Variants in FBXL17 observed in about 807,000 individuals in gnomAD.
FBXL17 encodes F-box/LRR-repeat protein 17.
A neutral mutation model predicts 66.2 loss-of-function variants in FBXL17; 22 were observed. That is an observed-to-expected ratio of 0.33 (90% confidence interval 0.24 to 0.47). The LOEUF is 0.47. Ranked by LOEUF, FBXL17 falls within the 20% of genes least tolerant of loss-of-function variation. The pLI is 1.00. For synonymous variants in FBXL17, 474 were observed against 400.5 expected (o/e 1.18, Z -2.19); for missense variants, 878 against 948.2 (o/e 0.93, Z 0.97).
chr5:107,915,901 G>C (rs1007222974), intron 7 of FBXL17, among the ~76,000 whole-genome samples: 3 of 152,226 alleles, frequency 2.0e-5, no homozygotes, highest in Admixed American at 2.0e-4. Flanking sequence ...AGCAGACAAA[G>C]GATGCATGTT....
intron 6 of FBXL17, among the ~76,000 whole-genome samples, chr5:108,150,504 C>T (rs2149995450): frequency 6.6e-6 from 1 of 152,164 alleles, no homozygotes; most frequent in East Asian, 1.9e-4. Context: ...ATGCCTGGCC[C>T]CCAATCATGT....
intron 4 of FBXL17, among the ~76,000 whole-genome samples, chr5:108,227,127 T>G (rs1755134889): frequency 6.6e-6 from 1 of 152,096 alleles, no homozygotes; most frequent in Non-Finnish European, 1.5e-5. Flanking sequence ...ATACCTTGAG[T>G]ATTACAATCC....
At chr5:108,128,169 A>T (rs1469436865) in intron 6 of FBXL17, among the ~76,000 whole-genome samples, 4 of 151,866 alleles carry the variant, frequency 2.6e-5, no homozygotes, top group Non-Finnish European at 4.4e-5. Context: ...TAGCTTGAAC[A>T]TGCGAGGCAG....
chr5:108,164,318 G>C (rs1400990683), intron 6 of FBXL17, among the ~76,000 whole-genome samples: 1 of 152,098 alleles, frequency 6.6e-6, no homozygotes, highest in Non-Finnish European at 1.5e-5. Context: ...AAAACAAGTA[G>C]AACAAACTTC....
intron 5 of FBXL17, among the ~76,000 whole-genome samples, chr5:108,217,439 C>CT (rs529294550): frequency 6.6e-6 from 1 of 151,284 alleles, no homozygotes; most frequent in Non-Finnish European, 1.5e-5. Context: ...ACACCGGCAA[C>CT]TTTTTTTTTG....
chr5:108,168,166 C>T (rs1224314426), intron 6 of FBXL17, among the ~76,000 whole-genome samples: 1 of 139,126 alleles, frequency 7.2e-6, no homozygotes, highest in Non-Finnish European at 1.7e-5. Flanking sequence ...TCCAATTGCC[C>T]TTAAAATAGA....
chr5:108,366,638 A>G (rs1395081584), intron 2 of FBXL17, among the ~76,000 whole-genome samples: 1 of 152,082 alleles, frequency 6.6e-6, no homozygotes, highest in African/African-American at 2.4e-5. Context: ...CAAACATTCA[A>G]GAGTAATGAT....
intron 6 of FBXL17, among the ~76,000 whole-genome samples, chr5:108,049,180 T>A (rs934222299): frequency 3.3e-5 from 5 of 151,952 alleles, no homozygotes; most frequent in Non-Finnish European, 7.4e-5. Context: ...AGTCTCACTC[T>A]TGCCCAGGCT....
intron 6 of FBXL17, among the ~76,000 whole-genome samples, chr5:108,114,772 C>G (rs1178483419): frequency 1.3e-5 from 2 of 152,112 alleles, no homozygotes; most frequent in African/African-American, 4.8e-5. Flanking sequence ...ATCTATTCAC[C>G]ACATTTAAAT....
At chr5:107,880,898 T>C in intron 8 of FBXL17, 139 bp downstream of exon 8, 2 of 1,442,588 alleles carry the variant, frequency 1.4e-6, no homozygotes, top group Non-Finnish European at 9.1e-7. Context: ...TGCATAGCTA[T>C]AATTGCATAT....
intron 1 of FBXL17, among the ~76,000 whole-genome samples, chr5:108,374,423 G>C (rs1214115697): frequency 1.3e-5 from 2 of 152,180 alleles, no homozygotes; most frequent in African/African-American, 2.4e-5. Flanking sequence ...TATAATTCCA[G>C]CATTTTGGGA....
intron 6 of FBXL17, among the ~76,000 whole-genome samples, chr5:108,055,985 C>A (rs1339774721): frequency 6.6e-6 from 1 of 152,176 alleles, no homozygotes; most frequent in African/African-American, 2.4e-5. Context: ...GAATCACATA[C>A]CTTCCTGCCA....
intron 5 of FBXL17, among the ~76,000 whole-genome samples, chr5:108,212,535 T>G (rs1219628460): frequency 6.6e-6 from 1 of 152,232 alleles, no homozygotes; most frequent in Non-Finnish European, 1.5e-5. Flanking sequence ...TGCTCTTCCT[T>G]TCTGTTTCTT....
chr5:107,881,926 C>T (rs1164814711), intron 7 of FBXL17, among the ~76,000 whole-genome samples: 1 of 152,166 alleles, frequency 6.6e-6, no homozygotes, highest in African/African-American at 2.4e-5. Context: ...AGACACTTAT[C>T]CCATAATCTA....
chr5:108,102,674 A>C (rs1047294523), intron 6 of FBXL17, among the ~76,000 whole-genome samples: 4 of 152,166 alleles, frequency 2.6e-5, no homozygotes, highest in African/African-American at 7.2e-5. Context: ...ATTTAAGTTC[A>C]CCATTGCACA....
At chr5:108,061,050 G>C (rs972771693) in intron 6 of FBXL17, among the ~76,000 whole-genome samples, 1 of 151,992 alleles carries the variant, frequency 6.6e-6, no homozygotes, top group African/African-American at 2.4e-5. Flanking sequence ...ACTTTGGGAG[G>C]GCAAAGTGGG....
At chr5:107,959,381 A>AACACACACACACACACACAC (rs57041975) in intron 7 of FBXL17, among the ~76,000 whole-genome samples, 19 of 147,884 alleles carry the variant, frequency 1.3e-4, no homozygotes, top group African/African-American at 2.3e-4. Context: ...GGCTGCTATA[A>AACACACACACACACACACAC]ACACACACAC....
At chr5:108,195,000 C>T (rs2150042467) in intron 5 of FBXL17, among the ~76,000 whole-genome samples, 1 of 152,202 alleles carries the variant, frequency 6.6e-6, no homozygotes, top group East Asian at 1.9e-4. Context: ...TCTTTAATCA[C>T]TTAAAAAATG....
chr5:107,922,629 T>A (rs1750362729), intron 7 of FBXL17, among the ~76,000 whole-genome samples: 1 of 152,202 alleles, frequency 6.6e-6, no homozygotes. Flanking sequence ...AGTCTGTAGA[T>A]CATAAATTGT....
Sources: allele counts gnomAD v4.1 joint callset (sites outside exome capture counted in the v4.1 genomes callset), GRCh38; gene constraint gnomAD v4.1.1; transcripts MANE v1.5; gene names NCBI Gene and HGNC (gene_info 2026-07-23, HGNC 2026-07-21).